Variants in MAMDC2 observed in about 807,000 individuals in gnomAD.
The protein encoded by MAMDC2 is MAM domain containing 2.
MAMDC2 carries 57 observed loss-of-function variants against 89.8 expected under a neutral mutation model. That is an observed-to-expected ratio of 0.63 (90% CI 0.51 to 0.79). MAMDC2 has a LOEUF of 0.79. Ranked by LOEUF, MAMDC2 falls within the 30% of genes least tolerant of loss-of-function variation. The pLI is 0.00. For missense variants in MAMDC2, 800 were observed against 820.6 expected (o/e 0.97, Z 0.31); for synonymous variants, 313 against 293.4 (o/e 1.07, Z -0.68).
chr9:70,132,517 C>T (rs1238069774), intron 7 of MAMDC2, among the ~76,000 whole-genome samples: 6 of 136,198 alleles, frequency 4.4e-5, no homozygotes, highest in Admixed American at 2.5e-4. Flanking sequence ...TTCTGCAAAT[C>T]GGGGGACTAA....
chr9:70,093,518 C>T (rs1318530670), intron 2 of MAMDC2, among the ~76,000 whole-genome samples: 6 of 151,490 alleles, frequency 4.0e-5, no homozygotes, highest in Non-Finnish European at 8.8e-5. Context: ...CTCCACCTCC[C>T]GGGTTCAAGC....
intron 9 of MAMDC2, among the ~76,000 whole-genome samples, chr9:70,151,045 C>T (rs1174396853): frequency 2.0e-5 from 3 of 152,172 alleles, no homozygotes; most frequent in Non-Finnish European, 2.9e-5. Context: ...TCATAGAGTC[C>T]CACAGTCCAC....
chr9:70,065,427 T>G (rs1216045306), intron 2 of MAMDC2, among the ~76,000 whole-genome samples: 3 of 152,098 alleles, frequency 2.0e-5, no homozygotes, highest in Non-Finnish European at 4.4e-5. Context: ...AAAATAGTAT[T>G]TTAGTCTATT....
intron 12 of MAMDC2, among the ~76,000 whole-genome samples, chr9:70,219,742 A>G (rs2033523689): frequency 6.6e-6 from 1 of 152,238 alleles, no homozygotes; most frequent in Non-Finnish European, 1.5e-5. Flanking sequence ...AGCTTCAGGA[A>G]TAATTTTATA....
At chr9:70,116,616 A>C (rs2030006633) in intron 5 of MAMDC2, among the ~76,000 whole-genome samples, 1 of 151,958 alleles carries the variant, frequency 6.6e-6, no homozygotes, top group South Asian at 2.1e-4. Flanking sequence ...CAAAATCTCC[A>C]AGTTCACCAT....
At position 70,108,487 on chromosome 9, in the gene MAMDC2, G is replaced by C; in HGVS notation, c.420+5G>C. 1 of 1,582,940 alleles carries C rather than the reference G, an allele frequency of 6.3e-7. No individual in the cohort carries two copies. The highest frequency in any genetic ancestry group is 1.4e-5 in the African/African-American group (1 of 73,440). ...AACAGTTCCAAGAAATTCAAGGTAG[G>C]TGGAGTTTAGGAGAAAGATATAAGG... On this transcript the variant is annotated splice_donor_5th_base_variant and intron_variant, in intron 3 of 13. Coordinates refer to ENST00000377182, the MANE Select transcript of MAMDC2 (RefSeq NM_153267.5).
At chr9:70,120,086 G>A (rs1274109740) in intron 5 of MAMDC2, among the ~76,000 whole-genome samples, 1 of 152,204 alleles carries the variant, frequency 6.6e-6, no homozygotes, top group Non-Finnish European at 1.5e-5. Context: ...CTTGAGAAGA[G>A]TCCTTTTAAG....
At chr9:70,189,906 T>C (rs1437700418) in intron 11 of MAMDC2, among the ~76,000 whole-genome samples, 1 of 152,174 alleles carries the variant, frequency 6.6e-6, no homozygotes, top group Non-Finnish European at 1.5e-5. Context: ...TTTCATTATA[T>C]TTTTCAAATC....
intron 9 of MAMDC2, among the ~76,000 whole-genome samples, chr9:70,152,409 C>T (rs2031613368): frequency 6.6e-6 from 1 of 152,144 alleles, no homozygotes; most frequent in South Asian, 2.1e-4. Flanking sequence ...TTTGATGCCA[C>T]AGCTCCCTAG....
At chr9:70,057,420 T>C (rs775012987) in intron 2 of MAMDC2, among the ~76,000 whole-genome samples, 3 of 152,182 alleles carry the variant, frequency 2.0e-5, no homozygotes, top group Non-Finnish European at 2.9e-5. Context: ...GACAGCTCAG[T>C]TGCCTCAGAA....
intron 9 of MAMDC2, among the ~76,000 whole-genome samples, chr9:70,146,221 G>A (rs2031399489): frequency 6.6e-6 from 1 of 152,104 alleles, no homozygotes; most frequent in African/African-American, 2.4e-5. Context: ...TTCTTCTTTG[G>A]AGGCCAACTA....
intron 11 of MAMDC2, 55 bp downstream of exon 11, chr9:70,170,686 T>C (rs2032314012): frequency 1.3e-6 from 2 of 1,492,162 alleles, no homozygotes; most frequent in Non-Finnish European, 8.9e-7. Flanking sequence ...AATAGCATTC[T>C]AGGAATCGTT....
At chr9:70,130,253 A>G (rs2030744873) in intron 6 of MAMDC2, among the ~76,000 whole-genome samples, 1 of 152,148 alleles carries the variant, frequency 6.6e-6, no homozygotes, top group African/African-American at 2.4e-5. Context: ...AGGTCAACCC[A>G]TAACAGGCCT....
chr9:70,222,436 T>C lies in MAMDC2; in HGVS notation c.1912-3314T>C, dbSNP rs73452734. ...TTGAATGGGGGTGGGCAGGTAGAGA[T>C]GGTATTTAGAGTGTGATAGTACTGC... On this transcript the variant is annotated intron_variant, in intron 12 of 13. Coordinates refer to ENST00000377182, the MANE Select transcript of MAMDC2 (RefSeq NM_153267.5). Among the ~76,000 whole-genome samples the C allele has an allele frequency of 3.7e-3, 564 of 152,122 alleles. 4 individuals are homozygous for C. Among genetic ancestry groups the C allele is most frequent in the African/African-American group, 0.012 (480 of 41,512 alleles).
At chr9:70,166,798 A>G (rs991928376) in intron 9 of MAMDC2, among the ~76,000 whole-genome samples, 2 of 152,142 alleles carry the variant, frequency 1.3e-5, no homozygotes, top group African/African-American at 4.8e-5. Context: ...ATGGTGAACC[A>G]TTTCACTACC....
intron 10 of MAMDC2, 135 bp from the exon 11 acceptor site, chr9:70,170,343 TG>T: frequency 1.1e-6 from 1 of 904,400 alleles, no homozygotes; most frequent in Non-Finnish European, 1.6e-6. Context: ...TCCGTGTAGG[TG>T]GGCCACCAGT....
chr9:70,170,741 GA>G, intron 11 of MAMDC2, 110 bp downstream of exon 11: 3 of 981,768 alleles, frequency 3.1e-6, no homozygotes, highest in Non-Finnish European at 4.4e-6. Context: ...TGTCTATAAT[GA>G]AATGCACTTG....
intron 2 of MAMDC2, among the ~76,000 whole-genome samples, chr9:70,074,735 A>G (rs978372125): frequency 1.3e-5 from 2 of 152,248 alleles, no homozygotes; most frequent in Non-Finnish European, 2.9e-5. Context: ...GCAACATAAC[A>G]TGGCAAATAA....
At chr9:70,059,052 G>A (rs1343271656) in intron 2 of MAMDC2, among the ~76,000 whole-genome samples, 1 of 152,124 alleles carries the variant, frequency 6.6e-6, no homozygotes, top group Non-Finnish European at 1.5e-5. Flanking sequence ...TGATGGACTT[G>A]TTTTGAAAAT....
Sources: allele counts gnomAD v4.1 joint callset (sites outside exome capture counted in the v4.1 genomes callset), GRCh38; gene constraint gnomAD v4.1.1; transcripts MANE v1.5; gene names NCBI Gene and HGNC (gene_info 2026-07-23, HGNC 2026-07-21).